The following DSCAM variants were observed in gnomAD, a reference collection of about 807,000 sequenced individuals.
DSCAM encodes the protein cell adhesion molecule DSCAM.
In DSCAM, 47 loss-of-function variants were observed where a neutral mutation model predicts 217.7. The ratio of observed to expected loss-of-function variants is 0.22; its 90% CI spans 0.17 to 0.28. The LOEUF is 0.28. Among genes scored for constraint, DSCAM ranks in the 10% least tolerant of loss-of-function variants. The pLI is 1.00. For synonymous variants in DSCAM, 1,056 were observed against 1,015.3 expected (o/e 1.04, Z -0.76); for missense variants, 2,080 against 2,618.3 (o/e 0.79, Z 4.49).
At chr21:40,182,990 T>C (rs866854390) in intron 14 of DSCAM, among the ~76,000 whole-genome samples, 51 of 2,888 alleles carry the variant, frequency 0.018, 4 homozygotes, top group Non-Finnish European at 0.021. Flanking sequence ...ACGGGGGGGG[T>C]TACCAGAGAA....
chr21:40,040,370 G>A (rs1489364349), intron 32 of DSCAM, among the ~76,000 whole-genome samples: 4 of 152,134 alleles, frequency 2.6e-5, no homozygotes, highest in African/African-American at 4.8e-5. Context: ...TATGAGCAGC[G>A]TGCCATCAAA....
intron 3 of DSCAM, among the ~76,000 whole-genome samples, chr21:40,376,580 TATATATCTTATATCG>T (rs1569093012): frequency 1.3e-4 from 10 of 74,106 alleles, no homozygotes; most frequent in African/African-American, 2.0e-4. Flanking sequence ...TATCGATATC[TATATATCTTATATCG>T]ATATCTATAT....
At position 40,403,127 on chromosome 21, in the gene DSCAM, C is replaced by T. The variant is rs530834322; in HGVS notation, c.509-33882G>A. Among the ~76,000 whole-genome samples, 69 of 152,238 alleles carry T rather than the reference C, an allele frequency of 4.5e-4. 1 individual carries two copies. The highest frequency in any genetic ancestry group is 1.5e-3 in the African/African-American group (64 of 41,544). ...AAGCTGACATCATGTGTGCTTAACA[C>T]GCTCAATGATGTGGAATGATTAGAA... On this transcript the variant is annotated intron_variant, in intron 3 of 32. Transcript: ENST00000400454.
At chr21:40,655,609 A>AT (rs1225726570) in intron 3 of DSCAM, among the ~76,000 whole-genome samples, 2 of 151,520 alleles carry the variant, frequency 1.3e-5, no homozygotes, top group Admixed American at 1.3e-4. Context: ...TGTCTGGCTA[A>AT]TTTTTTTCTT....
intron 3 of DSCAM, among the ~76,000 whole-genome samples, chr21:40,485,259 G>A: frequency 2.1e-5 from 1 of 46,888 alleles, no homozygotes; most frequent in South Asian, 6.6e-4. Flanking sequence ...TTTTTTTTTT[G>A]AGACGGAGCC....
At chr21:40,582,399 TACTC>T (rs776346553) in intron 3 of DSCAM, among the ~76,000 whole-genome samples, 1 of 152,322 alleles carries the variant, frequency 6.6e-6, no homozygotes, top group Non-Finnish European at 1.5e-5. Flanking sequence ...AATAAACACA[TACTC>T]ACATACACAG....
intron 19 of DSCAM, among the ~76,000 whole-genome samples, chr21:40,133,614 A>C (rs2090176108): frequency 8.3e-6 from 1 of 120,440 alleles, no homozygotes; most frequent in Admixed American, 9.1e-5. Context: ...AAAAAACAAA[A>C]AACAAAAAAA....
intron 11 of DSCAM, among the ~76,000 whole-genome samples, chr21:40,247,068 TTG>T (rs2073235925): frequency 6.6e-6 from 1 of 152,134 alleles, no homozygotes; most frequent in Non-Finnish European, 1.5e-5. Context: ...CCATCAGATA[TTG>T]TGAGATGTAT....
chr21:40,642,381 C>G (rs2089893421), intron 3 of DSCAM, among the ~76,000 whole-genome samples: 1 of 152,136 alleles, frequency 6.6e-6, no homozygotes, highest in Admixed American at 6.5e-5. Context: ...AGCAGCTGAT[C>G]TAGGTCATAG....
At chr21:40,557,140 T>C (rs2076678740) in intron 3 of DSCAM, among the ~76,000 whole-genome samples, 1 of 152,092 alleles carries the variant, frequency 6.6e-6, no homozygotes, top group African/African-American at 2.4e-5. Flanking sequence ...GGTGTGGATG[T>C]GGTTTGTCCC....
At chr21:40,173,374 C>T (rs957985767) in intron 15 of DSCAM, among the ~76,000 whole-genome samples, 4 of 152,116 alleles carry the variant, frequency 2.6e-5, no homozygotes, top group East Asian at 1.9e-4. Flanking sequence ...TGTTCCAGAA[C>T]CTTTCAGGAT....
intron 18 of DSCAM, among the ~76,000 whole-genome samples, chr21:40,135,254 T>C (rs1601366512): frequency 6.6e-6 from 1 of 152,346 alleles, no homozygotes; most frequent in South Asian, 2.1e-4. Flanking sequence ...TTGGCAGACC[T>C]GCTCGTCAAC....
intron 1 of DSCAM, among the ~76,000 whole-genome samples, chr21:40,782,755 A>T (rs73224259): frequency 0.019 from 2,528 of 135,830 alleles, 40 homozygotes; most frequent in Non-Finnish European, 0.028. Context: ...TAAAATAAAT[A>T]AAAAAAAATC....
At chr21:40,151,219 C>T (rs934532718) in intron 16 of DSCAM, among the ~76,000 whole-genome samples, 4 of 152,052 alleles carry the variant, frequency 2.6e-5, no homozygotes, top group African/African-American at 9.7e-5. Flanking sequence ...CTTATAAAAG[C>T]TGTTGTCAAA....
At chr21:40,254,891 A>G (rs1298764908) in intron 11 of DSCAM, among the ~76,000 whole-genome samples, 1 of 151,384 alleles carries the variant, frequency 6.6e-6, no homozygotes, top group East Asian at 1.9e-4. Flanking sequence ...CTCACGTGCC[A>G]TCTAGTAAGT....
intron 3 of DSCAM, among the ~76,000 whole-genome samples, chr21:40,645,256 C>T (rs1036736580): frequency 3.3e-5 from 5 of 152,102 alleles, no homozygotes; most frequent in African/African-American, 7.2e-5. Flanking sequence ...AACAATCAGC[C>T]CTGTTTCTTA....
chr21:40,370,122 T>G (rs73229140), intron 3 of DSCAM, among the ~76,000 whole-genome samples: 11,772 of 152,218 alleles, frequency 0.077, 790 homozygotes, highest in Admixed American at 0.23. Context: ...AATGTAACTT[T>G]TAAAGATATT....
chr21:40,461,719 C>T (rs1183949203), intron 3 of DSCAM, among the ~76,000 whole-genome samples: 1 of 152,050 alleles, frequency 6.6e-6, no homozygotes, highest in Admixed American at 6.6e-5. Flanking sequence ...CACGTGGGTC[C>T]AAGGTAATCA....
intron 32 of DSCAM, among the ~76,000 whole-genome samples, chr21:40,022,735 C>G (rs1176670819): frequency 1.3e-5 from 2 of 151,470 alleles, no homozygotes; most frequent in African/African-American, 4.9e-5. Flanking sequence ...CCTTTTGAGC[C>G]TTGGTGCTCT....
Sources: allele counts gnomAD v4.1 joint callset (sites outside exome capture counted in the v4.1 genomes callset), GRCh38; gene constraint gnomAD v4.1.1; transcripts MANE v1.5; gene names NCBI Gene and HGNC (gene_info 2026-07-23, HGNC 2026-07-21).